TGDS: variants seen among roughly 807,000 people sequenced by gnomAD.
TGDS encodes the protein UDP-D-glucose 4,6-dehydratase.
A neutral mutation model predicts 52.3 loss-of-function variants in TGDS; 47 were observed. The observed-to-expected ratio is 0.90, with a 90% CI of 0.71 to 1.15. TGDS has a LOEUF of 1.15. Among genes scored for constraint, TGDS ranks in the 50% most tolerant of loss-of-function variants. The pLI is 0.00. For missense variants in TGDS, 375 were observed against 418.4 expected (o/e 0.90, Z 0.90); for synonymous variants, 115 against 136.9 (o/e 0.84, Z 1.12).
chr13:94,585,982 C>A (rs1888967487), intron 4 of TGDS, among the ~76,000 whole-genome samples: 2 of 151,452 alleles, frequency 1.3e-5, no homozygotes, highest in South Asian at 4.1e-4. Flanking sequence ...AATTTCCAAA[C>A]TAGTAGAGGG....
Position 94,583,139 on chromosome 13 carries a change from A to C in TGDS, c.411T>G (p.Phe137Leu). ...ATACTTCATCTGTGCTGACATAAAT[A>C]AACTTCTCCACTCTGGCTTCATGAG... The part of the protein sequence containing the change: ...SAAHEARVEK[F>L]IYVSTDEVYG... Residue 137 changes from phenylalanine to leucine, a missense_variant, in exon 5 of 12, where the codon TTT (phenylalanine) becomes TTG (leucine). Coordinates refer to ENST00000261296, the MANE Select transcript of TGDS (RefSeq NM_014305.4). 3 of 1,613,980 alleles carry C rather than the reference A, an allele frequency of 1.9e-6. No homozygotes were observed. Among genetic ancestry groups the C allele is most frequent in the Non-Finnish European group, 2.5e-6 (3 of 1,179,940 alleles).
Position 94,574,731 on chromosome 13 carries a change from AG to A in TGDS, c.*50del. The A allele has an allele frequency of 8.9e-7, 1 of 1,122,170 alleles. No individual in the cohort carries two copies. The highest frequency in any genetic ancestry group is 1.3e-5 in the South Asian group (1 of 75,610). 69.5% of individuals were successfully genotyped at this position (1,122,170 alleles called of 1,614,324 possible). Reference sequence around the variant, plus strand: ...TCACTTAATTTCATACCACTTGGCGAGGTAGGATAACTTTCTTCTTTGACAA... The same window carrying A: ...TCACTTAATTTCATACCACTTGGCGAGTAGGATAACTTTCTTCTTTGACAA... On this transcript the variant is annotated 3_prime_UTR_variant, in exon 12 of 12. Coordinates refer to ENST00000261296, the MANE Select transcript of TGDS (RefSeq NM_014305.4).
chr13:94,587,055 G>C (rs1434125940), intron 4 of TGDS, among the ~76,000 whole-genome samples: 1 of 152,034 alleles, frequency 6.6e-6, no homozygotes, highest in African/African-American at 2.4e-5. Context: ...GTTAGCCACT[G>C]CACCCAGCAA....
At chr13:94,584,741 A>G (rs1230873197) in intron 4 of TGDS, among the ~76,000 whole-genome samples, 1 of 152,224 alleles carries the variant, frequency 6.6e-6, no homozygotes, top group Non-Finnish European at 1.5e-5. Context: ...CTATCAAACC[A>G]GAAAGTTAGA....
At chr13:94,584,316 G>A (rs1189558661) in intron 4 of TGDS, among the ~76,000 whole-genome samples, 3 of 152,166 alleles carry the variant, frequency 2.0e-5, no homozygotes, top group Non-Finnish European at 4.4e-5. Flanking sequence ...TTTAGGATGG[G>A]TCCTAATCCG....
intron 11 of TGDS, among the ~76,000 whole-genome samples, chr13:94,576,007 G>A (rs1262478951): frequency 6.6e-6 from 1 of 152,116 alleles, no homozygotes; most frequent in African/African-American, 2.4e-5. Flanking sequence ...TAAGACACCA[G>A]TGATTATAAA....
intron 7 of TGDS, 135 bp downstream of exon 7, chr13:94,579,759 T>G (rs1888721276): frequency 2.0e-6 from 1 of 496,268 alleles, no homozygotes; most frequent in Admixed American, 4.0e-5. Flanking sequence ...AATCTGCAAG[T>G]GGTGTTATAC....
chr13:94,593,173 A>AT (rs1240786842), intron 2 of TGDS, among the ~76,000 whole-genome samples: 1 of 152,176 alleles, frequency 6.6e-6, no homozygotes, highest in Non-Finnish European at 1.5e-5. Flanking sequence ...AAAAATGTTC[A>AT]TGCCAAAATT....
intron 4 of TGDS, among the ~76,000 whole-genome samples, chr13:94,589,034 T>C (rs1889099308): frequency 6.6e-6 from 1 of 152,116 alleles, no homozygotes; most frequent in Non-Finnish European, 1.5e-5. Flanking sequence ...GAAAAGATAA[T>C]ATACAAAAAT....
Position 94,574,760 on chromosome 13 carries a change from G to GTCTC in TGDS, c.*18_*21dup. The GTCTC allele has an allele frequency of 1.3e-6, 2 of 1,509,318 alleles. No homozygotes were observed. The highest frequency in any genetic ancestry group is 1.8e-6 in the Non-Finnish European group (2 of 1,096,534). The allele number at this position is 1,509,318 out of a possible 1,614,324, so 93.5% of individuals were successfully genotyped here. ...AGGATAACTTTCTTCTTTGACAACT[G>GTCTC]TCTCGACTATATAAATGGTGATTAT... is the stretch of plus-strand genomic sequence containing the variant. On this transcript the variant is annotated 3_prime_UTR_variant, in exon 12 of 12. Transcript: ENST00000261296.
At chr13:94,586,813 C>T (rs1162616830) in intron 4 of TGDS, among the ~76,000 whole-genome samples, 2 of 131,078 alleles carry the variant, frequency 1.5e-5, no homozygotes, top group Admixed American at 9.5e-5. Flanking sequence ...GGCTGGAGTG[C>T]AGGGGTGCGA....
chr13:94,583,498 A>T (rs958946522), intron 4 of TGDS, among the ~76,000 whole-genome samples: 2 of 152,226 alleles, frequency 1.3e-5, no homozygotes, highest in African/African-American at 2.4e-5. Flanking sequence ...AAGAAAATTT[A>T]AAAATAATAC....
At position 94,574,665 on chromosome 13, in the gene TGDS, C is replaced by A; in HGVS notation, c.*117G>T. 1 of 614,250 alleles carries A rather than the reference C, an allele frequency of 1.6e-6. No individual in the cohort carries two copies. Among genetic ancestry groups the A allele is most frequent in the South Asian group, 2.2e-5 (1 of 44,552 alleles). The allele number at this position is 614,250 out of a possible 1,614,324, so 38.0% of individuals were successfully genotyped here. Reference sequence around the variant, plus strand: ...TGCATTTGAATTTTATACAGAAAGTCATGAATCTAATTCCAAAAGAAAAGA... The same window carrying A: ...TGCATTTGAATTTTATACAGAAAGTAATGAATCTAATTCCAAAAGAAAAGA... On this transcript the variant is annotated 3_prime_UTR_variant, in exon 12 of 12. Transcript: ENST00000261296.
At chr13:94,592,139 G>T in intron 3 of TGDS, 102 bp downstream of exon 3, 1 of 806,082 alleles carries the variant, frequency 1.2e-6, no homozygotes, top group Non-Finnish European at 1.9e-6. Flanking sequence ...TTTAATTAGT[G>T]TTCTTTTCAA....
chr13:94,579,720 C>A, intron 7 of TGDS, 174 bp downstream of exon 7: 2 of 477,476 alleles, frequency 4.2e-6, no homozygotes, highest in Admixed American at 3.9e-5. Flanking sequence ...AGACTTAAAA[C>A]TCAAGTTTTC....
intron 2 of TGDS, among the ~76,000 whole-genome samples, 160 bp from the exon 3 acceptor site, chr13:94,592,469 T>C (rs889348230): frequency 5.9e-5 from 9 of 152,212 alleles, no homozygotes; most frequent in African/African-American, 1.9e-4. Flanking sequence ...TACTTTTTTT[T>C]TGAGACGGAG....
At chr13:94,584,534 T>G (rs1888914083) in intron 4 of TGDS, among the ~76,000 whole-genome samples, 1 of 152,224 alleles carries the variant, frequency 6.6e-6, no homozygotes, top group Non-Finnish European at 1.5e-5. Context: ...TAATCTTAAG[T>G]AAATAGGCAA....
chr13:94,575,076 T>C (rs1888549331), intron 11 of TGDS, among the ~76,000 whole-genome samples: 1 of 152,014 alleles, frequency 6.6e-6, no homozygotes. Flanking sequence ...AAATCAACTA[T>C]TTTTTTCTTC....
intron 10 of TGDS, 46 bp downstream of exon 10, chr13:94,577,325 C>A: frequency 2.1e-6 from 3 of 1,418,060 alleles, no homozygotes; most frequent in Admixed American, 2.5e-5. Context: ...TTTATAAGTA[C>A]CTAAGATTTC....
Sources: allele counts gnomAD v4.1 joint callset (sites outside exome capture counted in the v4.1 genomes callset), GRCh38; gene constraint gnomAD v4.1.1; transcripts MANE v1.5; gene names NCBI Gene and HGNC (gene_info 2026-07-23, HGNC 2026-07-21).